The following CTSV variants were observed in gnomAD, a reference collection of about 807,000 sequenced individuals.
CTSV encodes cathepsin L2.
A neutral mutation model predicts 35.6 loss-of-function variants in CTSV; 33 were observed. The observed-to-expected ratio is 0.93, with a 90% CI of 0.70 to 1.24. The LOEUF is 1.24. CTSV is among the 50% of genes most tolerant of loss of function. The pLI, the probability that CTSV is intolerant of heterozygous loss-of-function variation, is 0.00. For missense variants in CTSV, 408 were observed against 413.1 expected, an observed-to-expected ratio of 0.99 and a Z score of 0.11; for synonymous variants, 154 against 147.1, an observed-to-expected ratio of 1.05 and a Z score of -0.34.
At chr9:97,039,045 C>T (rs1274084675) in intron 1 of CTSV, 26 bp downstream of exon 1, 1 of 152,640 alleles carries the variant, frequency 6.6e-6, no homozygotes, top group African/African-American at 2.4e-5. Context: ...TTCGCCCTGT[C>T]CCTCGGTCTG....
At chr9:97,037,783 T>C in intron 2 of CTSV, 135 bp downstream of exon 2, 1 of 1,369,386 alleles carries the variant, frequency 7.3e-7, no homozygotes, top group Non-Finnish European at 1.0e-6. Flanking sequence ...ATGCCCATAT[T>C]GCACCTATAA....
chr9:97,036,685 C>A lies in CTSV; in HGVS notation c.459G>T (p.Arg153=). The A allele has an allele frequency of 6.2e-7, 1 of 1,614,024 alleles. No individual in the cohort carries two copies. The highest frequency in any genetic ancestry group is 8.5e-7 in the Non-Finnish European group (1 of 1,180,014). ...ATGALEGQMF[R]KTGKLVSLSE... The stretch of plus-strand genomic sequence containing the variant: ...TCAGTGAGACAAGTTTCCCAGTTTT[C>A]CGGAACATCTGTCCTTCAAGAGCAC... Residue 153 remains arginine (R), a synonymous_variant, in exon 5 of 8, where the codon CGG becomes CGT. Transcript: ENST00000259470.
rs763491297 is a variant in CTSV, at chr9:97,037,450, AC to A, written c.249+42del. The A allele has an allele frequency of 3.1e-6, 5 of 1,613,740 alleles. No homozygotes were observed. The East Asian group carries it at 8.9e-5, about 29-fold the overall frequency. On this transcript the variant is annotated intron_variant, in intron 3 of 7. Transcript: ENST00000259470. ...AAAAGCAAGACTATTTTGGTGAAGA[AC>A]TGAGAAGCAGCACAGAGTTCAGCAA...
intron 7 of CTSV, among the ~76,000 whole-genome samples, chr9:97,033,590 C>T (rs1471587631): frequency 6.6e-6 from 1 of 150,960 alleles, no homozygotes; most frequent in Admixed American, 6.6e-5. Context: ...TCAGCCTGGG[C>T]AAGAAGAGCA....
Position 97,036,760 on chromosome 9 carries a change from A to T in CTSV, c.397-13T>A. On this transcript the variant is annotated splice_polypyrimidine_tract_variant and intron_variant, in intron 4 of 7. Transcript: ENST00000259470. ...AACCACACTGTTTCTAAAAAGGGAGAAAAAAAAAGCTGTAAATTTACAAGA... is the reference window on the plus strand; with the variant it reads ...AACCACACTGTTTCTAAAAAGGGAGTAAAAAAAAGCTGTAAATTTACAAGA... 4.5e-6 allele frequency: 7 copies of T among 1,555,438 alleles called. No individual in the cohort carries two copies. Among genetic ancestry groups the T allele is most frequent in the African/African-American group, 1.4e-5 (1 of 72,164 alleles).
chr9:97,033,159 C>T (rs1828784245), intron 7 of CTSV, 111 bp from the exon 8 acceptor site: 2 of 666,716 alleles, frequency 3.0e-6, no homozygotes, highest in East Asian at 5.3e-5. Flanking sequence ...AGGCACTATT[C>T]TAAATGCTGT....
chr9:97,038,673 C>G (rs1161552328), intron 1 of CTSV: 3 of 152,440 alleles, frequency 2.0e-5, no homozygotes, highest in Admixed American at 6.5e-5. Flanking sequence ...GGCCAGGGCC[C>G]GGACCGAGGC....
rs537091118 is a variant in CTSV at position 97,031,119 on chromosome 9, A to G, written c.*1830T>C. ...TTTTTTATTTGAATAAAAAGCCATCACTCTTTCATTCAATTTAGTGCCTAG... is the reference window on the plus strand; with the variant it reads ...TTTTTTATTTGAATAAAAAGCCATCGCTCTTTCATTCAATTTAGTGCCTAG... On this transcript the variant is annotated 3_prime_UTR_variant, in exon 8 of 8. Coordinates refer to ENST00000259470, the MANE Select transcript of CTSV (RefSeq NM_001333.4). 1.3e-5 allele frequency: 2 copies of G among 152,172 alleles called. No homozygotes were observed. Among genetic ancestry groups the G allele is most frequent in the Admixed American group, 6.5e-5 (1 of 15,288 alleles). The allele number at this position is 152,172 out of a possible 1,614,324, so 9.4% of individuals were successfully genotyped here. A position where few individuals can be genotyped will look rare whatever the true frequency, so the allele number is the denominator to read the frequency against.
intron 7 of CTSV, among the ~76,000 whole-genome samples, chr9:97,033,539 G>A (rs1828791616): frequency 6.6e-6 from 1 of 151,908 alleles, no homozygotes; most frequent in Non-Finnish European, 1.5e-5. Flanking sequence ...TTGAACCCAG[G>A]AGGCAGAGGT....
rs552131562 is a variant in CTSV, at chr9:97,030,829, G to C, written c.*2120C>G. On this transcript the variant is annotated 3_prime_UTR_variant, in exon 8 of 8. Coordinates refer to ENST00000259470, the MANE Select transcript of CTSV (RefSeq NM_001333.4). The stretch of plus-strand genomic sequence containing the variant: ...CGGTAAACCTTCAGCATGGCGTCAT[G>C]GCCATCATGAACCTGTCACAGTACT... The C allele has an allele frequency of 6.6e-6, 1 of 152,106 alleles. No individual in the cohort carries two copies. The highest frequency in any genetic ancestry group is 2.4e-5 in the African/African-American group (1 of 41,436). 9.4% of individuals were successfully genotyped at this position (152,106 alleles called of 1,614,324 possible). A position where few individuals can be genotyped will look rare whatever the true frequency, so the allele number is the denominator to read the frequency against.
At chr9:97,038,115 C>G (rs996634185) in intron 1 of CTSV, 62 bp from the exon 2 acceptor site, 2 of 1,495,760 alleles carry the variant, frequency 1.3e-6, no homozygotes, top group African/African-American at 2.8e-5. Flanking sequence ...TCTTACAGCC[C>G]CCGTGGAATA....
At chr9:97,035,413 T>C (rs909136874) in intron 6 of CTSV, 115 bp downstream of exon 6, 1 of 788,380 alleles carries the variant, frequency 1.3e-6, no homozygotes, top group African/African-American at 1.8e-5. Context: ...ATCACTATGT[T>C]AAATGCTCAC....
chr9:97,035,990 C>T (rs903320752), intron 5 of CTSV, among the ~76,000 whole-genome samples: 1 of 152,116 alleles, frequency 6.6e-6, no homozygotes, highest in Non-Finnish European at 1.5e-5. Flanking sequence ...GCAAGAACAG[C>T]TGTGTGTTAA....
In CTSV at chr9:97,030,905, T is replaced by C. The variant is rs1445419061; in HGVS notation, c.*2044A>G. On this transcript the variant is annotated 3_prime_UTR_variant, in exon 8 of 8. Coordinates refer to ENST00000259470, the MANE Select transcript of CTSV (RefSeq NM_001333.4). ...TTGGGGGCATATCCCCAGCAAATAT[T>C]GGTTAAGTCTGTGCTTCAGACTAGA... The C allele has an allele frequency of 6.6e-6, 1 of 152,198 alleles. No homozygotes were observed. The highest frequency in any genetic ancestry group is 1.9e-4 in the East Asian group (1 of 5,192). 9.4% of individuals were successfully genotyped at this position (152,198 alleles called of 1,614,324 possible).
At chr9:97,036,231 G>A (rs187524709) in intron 5 of CTSV, among the ~76,000 whole-genome samples, 54 of 152,016 alleles carry the variant, frequency 3.6e-4, no homozygotes, top group Middle Eastern at 3.4e-3. Context: ...CCACCAGGCC[G>A]GGCTAATTTT....
Position 97,036,713 on chromosome 9 carries a change from G to A in CTSV, c.431C>T (p.Thr144Ile), listed in dbSNP as rs149608627. 3 of 1,612,220 alleles carry A rather than the reference G, an allele frequency of 1.9e-6. No homozygotes were observed. The highest frequency in any genetic ancestry group is 1.3e-5 in the African/African-American group (1 of 74,706). The change falls in exon 5 of 8, where the codon ACT becomes ATT. Residue 144 changes from threonine (T) to isoleucine (I), a missense_variant. Physicochemically the swap from Thr to Ile is moderately conservative, Grantham distance 89 (BLOSUM62 -1). Coordinates refer to ENST00000259470, the MANE Select transcript of CTSV (RefSeq NM_001333.4). The part of the protein sequence containing the change: ...QCGSCWAFSA[T>I]GALEGQMFRK... ...GAACATCTGTCCTTCAAGAGCACCA[G>A]TCGCACTAAAAGCCCAACAAGAACC... is the stretch of plus-strand genomic sequence containing the variant.
Position 97,035,687 on chromosome 9 carries a change from T to C in CTSV, c.628A>G (p.Ile210Val), listed in dbSNP as rs1435950467. Residue 210 changes from isoleucine (I) to valine (V), a missense_variant, in exon 6 of 8, where the codon ATC becomes GTC. Ile to Val is a conservative substitution (Grantham distance 29). Coordinates refer to ENST00000259470, the MANE Select transcript of CTSV (RefSeq NM_001333.4). ...GAATTCTCAGGTCTGTACTTACAGA[T>C]TTCATCCTTTTAAAGTTAAAGGGGG... The part of the protein sequence containing the change: ...ESYPYVAVDE[I>V]CKYRPENSVA... The C allele has an allele frequency of 6.6e-7, 1 of 1,512,936 alleles. No individual in the cohort carries two copies. Among genetic ancestry groups the C allele is most frequent in the South Asian group, 1.3e-5 (1 of 76,384 alleles). The allele number at this position is 1,512,936 out of a possible 1,614,324, so 93.7% of individuals were successfully genotyped here.
In CTSV at chr9:97,031,903, T is replaced by A. The variant is rs918017587; in HGVS notation, c.*1046A>T. On this transcript the variant is annotated 3_prime_UTR_variant, in exon 8 of 8. Coordinates refer to ENST00000259470, the MANE Select transcript of CTSV (RefSeq NM_001333.4). Reference sequence around the variant, plus strand: ...TTCTAGAAGAGCTAGGTGGAATATGTCATCAGAGACTTGGAATGAAAACAA... The same window carrying A: ...TTCTAGAAGAGCTAGGTGGAATATGACATCAGAGACTTGGAATGAAAACAA... 3 of 152,248 alleles carry A rather than the reference T, an allele frequency of 2.0e-5. No homozygotes were observed. Among genetic ancestry groups the A allele is most frequent in the African/African-American group, 7.2e-5 (3 of 41,462 alleles). The allele number at this position is 152,248 out of a possible 1,614,324, so 9.4% of individuals were successfully genotyped here. A position where few individuals can be genotyped will look rare whatever the true frequency, so the allele number is the denominator to read the frequency against.
At position 97,036,832 on chromosome 9, in the gene CTSV, T is replaced by TAAAA; in HGVS notation, c.397-89_397-86dup. On this transcript the variant is annotated intron_variant, in intron 4 of 7. Coordinates refer to ENST00000259470, the MANE Select transcript of CTSV (RefSeq NM_001333.4). ...ATAATTGAATTACCTTAATATTCTT[T>TAAAA]AAAAAAAAAAAAAACCCATCGCCAC... The TAAAA allele has an allele frequency of 1.8e-4, 162 of 891,930 alleles. 2 individuals are homozygous for TAAAA. Among genetic ancestry groups the TAAAA allele is most frequent in the South Asian group, 4.9e-4 (19 of 38,586 alleles). 55.3% of individuals were successfully genotyped at this position (891,930 alleles called of 1,614,324 possible). A position where few individuals can be genotyped will look rare whatever the true frequency, so the allele number is the denominator to read the frequency against.
Sources: allele counts gnomAD v4.1 joint callset (sites outside exome capture counted in the v4.1 genomes callset), GRCh38; gene constraint gnomAD v4.1.1; transcripts MANE v1.5; gene names NCBI Gene and HGNC (gene_info 2026-07-23, HGNC 2026-07-21).